The following CYRIA variants were observed in gnomAD, a reference collection of about 807,000 sequenced individuals.
CYRIA encodes the protein CYFIP related Rac1 interactor A.
In CYRIA, 15 loss-of-function variants were observed where a neutral mutation model predicts 43.9. The ratio of observed to expected loss-of-function variants is 0.34; its 90% CI spans 0.23 to 0.53. The LOEUF is 0.53. CYRIA is among the 20% of genes least tolerant of loss of function. The pLI is 0.94. For synonymous variants in CYRIA, 117 were observed against 136.0 expected, an observed-to-expected ratio of 0.86 and a Z score of 0.97; for missense variants, 236 against 394.2, an observed-to-expected ratio of 0.60 and a Z score of 3.40.
intron 2 of CYRIA, among the ~76,000 whole-genome samples, chr2:16,608,848 C>T (rs1469821308): frequency 6.6e-6 from 1 of 152,158 alleles, no homozygotes; most frequent in Non-Finnish European, 1.5e-5. Flanking sequence ...AGAAGAAAGC[C>T]GACTCAGACC....
chr2:16,569,169 G>T (rs546427606), intron 3 of CYRIA, among the ~76,000 whole-genome samples: 1 of 152,212 alleles, frequency 6.6e-6, no homozygotes, highest in Admixed American at 6.5e-5. Context: ...GTAACCAGGG[G>T]GCTGGTACCA....
intron 2 of CYRIA, among the ~76,000 whole-genome samples, chr2:16,607,121 C>G (rs1464915464): frequency 1.3e-5 from 2 of 152,178 alleles, no homozygotes; most frequent in Non-Finnish European, 2.9e-5. Context: ...GCCTTTGTTT[C>G]CAGCTTCTGA....
chr2:16,627,941 T>C (rs527624475), intron 1 of CYRIA, among the ~76,000 whole-genome samples: 1 of 152,138 alleles, frequency 6.6e-6, no homozygotes, highest in Non-Finnish European at 1.5e-5. Flanking sequence ...GGAAAGCCAA[T>C]TCCTATGTCC....
At chr2:16,577,384 T>C (rs968523005) in intron 3 of CYRIA, among the ~76,000 whole-genome samples, 25 of 152,264 alleles carry the variant, frequency 1.6e-4, no homozygotes, top group African/African-American at 6.0e-4. Flanking sequence ...TTCATATTTT[T>C]TAAAAAGAAG....
intron 1 of CYRIA, among the ~76,000 whole-genome samples, chr2:16,654,153 G>A (rs1055228615): frequency 6.6e-6 from 1 of 152,206 alleles, no homozygotes; most frequent in Admixed American, 6.5e-5. Context: ...AAAACCCCAA[G>A]CGCTCTATAA....
At chr2:16,652,841 T>C (rs1404674631) in intron 1 of CYRIA, among the ~76,000 whole-genome samples, 1 of 152,206 alleles carries the variant, frequency 6.6e-6, no homozygotes, top group East Asian at 1.9e-4. Flanking sequence ...CAGCTTTCAC[T>C]TCCAGCTTTC....
chr2:16,655,446 T>C (rs1353270970), intron 1 of CYRIA, among the ~76,000 whole-genome samples: 1 of 152,204 alleles, frequency 6.6e-6, no homozygotes, highest in Non-Finnish European at 1.5e-5. Context: ...GGGGACTCCT[T>C]GGACAGTGCT....
intron 1 of CYRIA, among the ~76,000 whole-genome samples, chr2:16,628,145 G>C (rs1306821355): frequency 7.0e-6 from 1 of 143,124 alleles, no homozygotes; most frequent in African/African-American, 2.6e-5. Context: ...GCCAAAAACA[G>C]TCACAGCCCT....
At chr2:16,636,079 C>A (rs1361418337) in intron 1 of CYRIA, among the ~76,000 whole-genome samples, 1 of 152,080 alleles carries the variant, frequency 6.6e-6, no homozygotes, top group Non-Finnish European at 1.5e-5. Context: ...TATCTACTGT[C>A]CCTCAGCCTC....
intron 2 of CYRIA, among the ~76,000 whole-genome samples, chr2:16,609,509 C>T (rs1352970588): frequency 6.6e-6 from 1 of 152,162 alleles, no homozygotes; most frequent in African/African-American, 2.4e-5. Context: ...AGTCCTTCTG[C>T]CTGGAATGTT....
chr2:16,660,899 T>C (rs1455861473), intron 1 of CYRIA, among the ~76,000 whole-genome samples: 1 of 152,006 alleles, frequency 6.6e-6, no homozygotes, highest in Non-Finnish European at 1.5e-5. Flanking sequence ...CCTGGATTCG[T>C]GGGGGAAATG....
intron 3 of CYRIA, among the ~76,000 whole-genome samples, chr2:16,575,878 A>AAATAAAT (rs112809752): frequency 1.4e-5 from 2 of 147,910 alleles, no homozygotes; most frequent in Non-Finnish European, 3.0e-5. Context: ...ATAAATAAAT[A>AAATAAAT]AAATAAATAA....
At chr2:16,651,355 C>T (rs898205426) in intron 1 of CYRIA, among the ~76,000 whole-genome samples, 3 of 152,166 alleles carry the variant, frequency 2.0e-5, no homozygotes, top group Non-Finnish European at 4.4e-5. Flanking sequence ...TAAACATATA[C>T]GTGTGCATGT....
chr2:16,577,264 T>C (rs1239307243), intron 3 of CYRIA, among the ~76,000 whole-genome samples: 1 of 152,106 alleles, frequency 6.6e-6, no homozygotes. Flanking sequence ...TTAAATGCCA[T>C]TTGAGAAAAT....
intron 2 of CYRIA, among the ~76,000 whole-genome samples, chr2:16,593,721 T>G (rs1435130876): frequency 9.5e-4 from 103 of 108,282 alleles, no homozygotes; most frequent in Non-Finnish European, 1.5e-3. Context: ...TGTGTGTGTT[T>G]TTTTTTTTTT....
At chr2:16,556,558 A>G (rs1037295024) in intron 10 of CYRIA, among the ~76,000 whole-genome samples, 4 of 152,164 alleles carry the variant, frequency 2.6e-5, no homozygotes, top group African/African-American at 9.7e-5. Context: ...AGGTATGAAT[A>G]ACAAGATGCT....
At chr2:16,617,325 G>A (rs528447395) in intron 2 of CYRIA, among the ~76,000 whole-genome samples, 95 of 152,256 alleles carry the variant, frequency 6.2e-4, no homozygotes, top group African/African-American at 2.2e-3. Context: ...CCCAACCCCC[G>A]GACTCTGCCT....
chr2:16,639,151 G>C (rs547422334), intron 1 of CYRIA, among the ~76,000 whole-genome samples: 1 of 152,186 alleles, frequency 6.6e-6, no homozygotes, highest in South Asian at 2.1e-4. Context: ...GGAAGGCCCT[G>C]CCCAGCAATG....
At chr2:16,647,832 G>C (rs900735379) in intron 1 of CYRIA, among the ~76,000 whole-genome samples, 1 of 152,038 alleles carries the variant, frequency 6.6e-6, no homozygotes, top group Non-Finnish European at 1.5e-5. Context: ...TGCCTTCCCT[G>C]ACCCACTCAT....
Sources: gnomAD v4.1 joint callset for allele counts (sites outside exome capture counted in the v4.1 genomes callset) on GRCh38, gnomAD v4.1.1 for gene constraint, MANE v1.5 for transcripts, NCBI Gene and HGNC (gene_info 2026-07-23, HGNC 2026-07-21) for gene names.